FAAH2: variants seen among roughly 807,000 people sequenced by gnomAD.
FAAH2 encodes the protein fatty acid amide hydrolase 2.
Under a neutral mutation model 36.9 loss-of-function variants are expected in FAAH2, and 60 were observed. The observed-to-expected ratio is 1.63, with a 90% CI of 1.32 to 2.02. FAAH2 has a LOEUF of 2.02. FAAH2 is among the 30% of genes most tolerant of loss of function. The probability of loss-of-function intolerance (pLI) is 0.00; values close to 1 mark genes in which losing one functional copy is unlikely to be tolerated. For synonymous variants in FAAH2, 214 were observed against 143.8 expected (o/e 1.49, Z -3.49); for missense variants, 689 against 397.5 (o/e 1.73, Z -6.23).
chrX:57,158,626 G>T, the FAAH2 span, among the ~76,000 whole-genome samples: 2 of 112,355 alleles, frequency 1.8e-5, no homozygotes, highest in Non-Finnish European at 3.8e-5. Flanking sequence ...TAATGTGTCT[G>T]TTGGCTGCAT....
chrX:57,267,306 A>C, the FAAH2 span, among the ~76,000 whole-genome samples: 4 of 112,919 alleles, frequency 3.5e-5, no homozygotes, highest in African/African-American at 1.3e-4. Flanking sequence ...GCTATTGCAG[A>C]CTTAGCCTTG....
At chrX:57,300,219 A>G (rs1285056595) in intron 2 of FAAH2, among the ~76,000 whole-genome samples, 1 of 111,805 alleles carries the variant, frequency 8.9e-6, no homozygotes, top group Admixed American at 9.5e-5. Context: ...CTACAAGGCT[A>G]CAGTAATCAA....
At chrX:57,226,139 T>C in the FAAH2 span, among the ~76,000 whole-genome samples, 1 of 112,349 alleles carries the variant, frequency 8.9e-6, no homozygotes, top group Non-Finnish European at 1.9e-5. Flanking sequence ...ACATTCAATG[T>C]TAGTATTGAA....
chrX:57,343,598 C>T (rs983305609), intron 5 of FAAH2, among the ~76,000 whole-genome samples: 30 of 111,322 alleles, frequency 2.7e-4, no homozygotes, highest in Admixed American at 9.6e-4. Flanking sequence ...TAATTTCTTT[C>T]GCTATGCTGT....
intron 5 of FAAH2, among the ~76,000 whole-genome samples, chrX:57,344,021 T>G (rs2053757067): frequency 9.0e-6 from 1 of 111,313 alleles, no homozygotes; most frequent in Non-Finnish European, 1.9e-5. Flanking sequence ...AGTCGTACAA[T>G]ACAGTTTTAA....
chrX:57,237,873 C>A, the FAAH2 span, among the ~76,000 whole-genome samples: 1 of 111,379 alleles, frequency 9.0e-6, no homozygotes. Flanking sequence ...AGAAGGCATA[C>A]CTGTGGCCAA....
chrX:57,300,211 A>AT (rs2052304602), intron 2 of FAAH2, among the ~76,000 whole-genome samples: 1 of 111,731 alleles, frequency 9.0e-6, no homozygotes, highest in Non-Finnish European at 1.9e-5. Context: ...AAACTATACT[A>AT]CAAGGCTACA....
Position 57,408,995 on chromosome X carries a change from G to T in FAAH2, c.997-22923G>T, listed in dbSNP as rs1055858493. 2.7e-5 allele frequency among the ~76,000 whole-genome samples: 3 copies of T among 111,188 alleles called. No homozygotes were observed. The East Asian group carries it at 8.5e-4, about 31-fold the overall frequency. ...TACTTACAGAAGCATAGATGGTATA[G>T]CCTACTACAAACTTTGGTTATATAG... On this transcript the variant is annotated intron_variant, in intron 7 of 10. Coordinates refer to ENST00000374900, the MANE Select transcript of FAAH2 (RefSeq NM_174912.4).
intron 7 of FAAH2, among the ~76,000 whole-genome samples, chrX:57,409,400 G>A (rs370783642): frequency 4.4e-4 from 49 of 111,177 alleles, no homozygotes; most frequent in Non-Finnish European, 9.5e-5. Flanking sequence ...GTAATGCTGG[G>A]CTTGTAGAAT....
At chrX:57,442,342 T>A (rs1441695602) in intron 8 of FAAH2, among the ~76,000 whole-genome samples, 5 of 112,141 alleles carry the variant, frequency 4.5e-5, no homozygotes, top group Non-Finnish European at 9.4e-5. Flanking sequence ...CTTGTTGAAT[T>A]GATCCCTTTA....
At chrX:57,388,411 C>G (rs752075375) in intron 7 of FAAH2, among the ~76,000 whole-genome samples, 52 of 111,186 alleles carry the variant, frequency 4.7e-4, no homozygotes, top group Non-Finnish European at 8.3e-4. Context: ...TTCCTAGCAA[C>G]ACCTTACTTT....
chrX:57,311,131 T>C (rs1363139748), intron 3 of FAAH2, among the ~76,000 whole-genome samples: 2 of 111,981 alleles, frequency 1.8e-5, no homozygotes, highest in Admixed American at 1.9e-4. Context: ...GCCTCAAAAG[T>C]AAATGAAAAT....
At chrX:57,250,967 C>CA in the FAAH2 span, among the ~76,000 whole-genome samples, 1 of 111,478 alleles carries the variant, frequency 9.0e-6, no homozygotes, top group Non-Finnish European at 1.9e-5. Flanking sequence ...CAAACACTTC[C>CA]AAAAAATTCA....
At chrX:57,190,863 C>G in the FAAH2 span, among the ~76,000 whole-genome samples, 1 of 111,066 alleles carries the variant, frequency 9.0e-6, no homozygotes, top group African/African-American at 3.3e-5. Flanking sequence ...ATATCCCCCC[C>G]ACATTTTCTT....
chrX:57,199,851 A>C, the FAAH2 span, among the ~76,000 whole-genome samples: 2 of 110,690 alleles, frequency 1.8e-5, no homozygotes, highest in South Asian at 7.7e-4. Context: ...ATCTTCTTTG[A>C]CTCTTCTTAC....
chrX:57,437,660 GTTAA>G (rs1325615132), intron 8 of FAAH2, among the ~76,000 whole-genome samples: 2 of 102,427 alleles, frequency 2.0e-5, no homozygotes, highest in Admixed American at 1.1e-4. Flanking sequence ...AGAACTCCTT[GTTAA>G]TTAATAAGAT....
chrX:57,347,411 G>A (rs1182412657), intron 5 of FAAH2, among the ~76,000 whole-genome samples: 1 of 110,547 alleles, frequency 9.0e-6, no homozygotes, highest in Admixed American at 9.7e-5. Context: ...AATTCCAGGA[G>A]GTCTGTTTGG....
At chrX:57,153,290 G>A in the FAAH2 span, among the ~76,000 whole-genome samples, 17,746 of 111,378 alleles carry the variant, frequency 0.16, 1,496 homozygotes, top group Non-Finnish European at 0.25. Flanking sequence ...GAAGGCAGCA[G>A]ATACTTGCTT....
chrX:57,476,246 G>T (rs1379835715), intron 10 of FAAH2, among the ~76,000 whole-genome samples: 2 of 111,102 alleles, frequency 1.8e-5, no homozygotes, highest in African/African-American at 6.5e-5. Flanking sequence ...GAATAGGAGT[G>T]GTGAGAGAGG....
Sources: allele counts gnomAD v4.1 joint callset (sites outside exome capture counted in the v4.1 genomes callset), GRCh38; gene constraint gnomAD v4.1.1; transcripts MANE v1.5; gene names NCBI Gene and HGNC (gene_info 2026-07-23, HGNC 2026-07-21).